PPL: variants seen among roughly 807,000 people sequenced by gnomAD.
The protein encoded by PPL is periplakin.
In PPL, 198 loss-of-function variants were observed where a neutral mutation model predicts 194.4. That is an observed-to-expected ratio of 1.02 (90% CI 0.91 to 1.15). The LOEUF (loss-of-function observed/expected upper bound fraction) is 1.15, where lower values mean the gene tolerates loss of function less well. Ranked by LOEUF, PPL falls within the 50% of genes most tolerant of loss-of-function variation. The probability of loss-of-function intolerance (pLI) is 0.00; values close to 1 mark genes in which losing one functional copy is unlikely to be tolerated. For synonymous variants in PPL, 1,220 were observed against 972.4 expected (o/e 1.25, Z -4.74); for missense variants, 2,885 against 2,294.8 (o/e 1.26, Z -5.25).
At chr16:4,910,058 C>T (rs1164880097) in intron 2 of PPL, among the ~76,000 whole-genome samples, 1 of 152,238 alleles carries the variant, frequency 6.6e-6, no homozygotes, top group East Asian at 1.9e-4. Flanking sequence ...ACCGGGCTGG[C>T]GCTGGTGGAA....
In PPL at chr16:4,901,010, T is replaced by C. The variant is rs752920491; in HGVS notation, c.518A>G (p.Asn173Ser). The change falls in exon 5 of 22, where the codon AAT (asparagine) becomes AGT (serine). Residue 173 changes from asparagine (N) to serine (S), a missense_variant. Coordinates refer to ENST00000345988, the MANE Select transcript of PPL (RefSeq NM_002705.5). ...HQVEEHNIFH[N>S]EVKAIGPHLA... Reference sequence around the variant, plus strand: ...GTGGGGCCCGATGGCCTTGACCTCATTGTGGAAGATGTTATGCTCCTCCAC... The same window carrying C: ...GTGGGGCCCGATGGCCTTGACCTCACTGTGGAAGATGTTATGCTCCTCCAC... 8 of 1,614,160 alleles carry C rather than the reference T, an allele frequency of 5.0e-6. No individual in the cohort carries two copies. The highest frequency in any genetic ancestry group is 1.7e-5 in the Admixed American group (1 of 60,024).
chr16:4,899,153 C>T (rs777532000), intron 7 of PPL, 33 bp from the exon 8 acceptor site: 1 of 1,613,638 alleles, frequency 6.2e-7, no homozygotes, highest in Non-Finnish European at 8.5e-7. Flanking sequence ...GGCCTCAGTG[C>T]CCAGCCTGGC....
rs1281643575 is a variant in PPL, at chr16:4,885,598, T to C, written c.3057A>G (p.Ala1019=). 6.2e-7 allele frequency: 1 copy of C among 1,612,022 alleles called. No individual in the cohort carries two copies. The highest frequency in any genetic ancestry group is 1.7e-5 in the Admixed American group (1 of 59,934). ...EVLQLREELE[A]LRRQKGAREA... ...CCCGGGCGCCCTTCTGCCGCCTCAG[T>C]GCCTCCAGCTCCTCCCGCAGCTGCA... The change falls in exon 22 of 22, where the codon GCA becomes GCG. Residue 1019 remains alanine (A), a synonymous_variant. Transcript: ENST00000345988. This position sits in a 1 kb window ranked among gnomAD's most constrained non-coding sequence, Gnocchi z 6.3.
chr16:4,907,512 A>C (rs2088716307), intron 2 of PPL, among the ~76,000 whole-genome samples: 1 of 152,172 alleles, frequency 6.6e-6, no homozygotes, highest in Non-Finnish European at 1.5e-5. Context: ...CAGAATAAAT[A>C]AATCCACAGA....
chr16:4,889,441 T>C (rs2088280990), intron 18 of PPL, among the ~76,000 whole-genome samples: 1 of 151,436 alleles, frequency 6.6e-6, no homozygotes, highest in South Asian at 2.1e-4. Flanking sequence ...GTATTTTTAG[T>C]AGAGATTTGG....
rs1049654889 is a variant in PPL, at chr16:4,920,345, G to GAGAAAGAA, written c.63-9404_63-9397dup. 6.0e-4 allele frequency among the ~76,000 whole-genome samples: 15 copies of GAGAAAGAA among 25,168 alleles called. 1 individual carries two copies. The highest frequency in any genetic ancestry group is 3.8e-3 in the South Asian group (2 of 520). 16.5% of individuals were successfully genotyped at this position (25,168 alleles called of 152,430 possible). On this transcript the variant is annotated intron_variant, in intron 1 of 21. Transcript: ENST00000345988. ...AAAGAAAGAAAGAAAGAGAGAGAGA[G>GAGAAAGAA]AGAAAGAAAGAAAGAAAGAAAGAAA... is the stretch of plus-strand genomic sequence containing the variant.
At position 4,883,544 on chromosome 16, in the gene PPL, T is replaced by A. The variant is rs760944645; in HGVS notation, c.5111A>T (p.Asn1704Ile). The change falls in exon 22 of 22, where the codon AAT becomes ATT. Residue 1704 changes from asparagine (N) to isoleucine (I), a missense_variant. Asn to Ile is a moderately radical substitution (Grantham distance 149). Coordinates refer to ENST00000345988, the MANE Select transcript of PPL (RefSeq NM_002705.5). The surrounding 1 kb of genome is among the most constrained non-coding windows in gnomAD (Gnocchi z 4.8). ...GTCGTGTATCACTGAGGACTCCCCATTGGGACCCTTCACTGAGATCTCCTC... is the reference window on the plus strand; with the variant it reads ...GTCGTGTATCACTGAGGACTCCCCAATGGGACCCTTCACTGAGATCTCCTC... Reference protein sequence around the residue: ...DWEEISVKGPNGESSVIHDRK... With the variant: ...DWEEISVKGPIGESSVIHDRK... The A allele has an allele frequency of 4.3e-6, 7 of 1,614,078 alleles. No homozygotes were observed. In the East Asian group the frequency reaches 1.6e-4, roughly 36 times the overall value.
In PPL at chr16:4,894,623, C is replaced by G. The variant is rs201265211; in HGVS notation, c.1243-5G>C. ...GTAGCCCCGCGAGATCAGGCCCTGG[C>G]GGGGGCAGGCTGGACAGTCAGGATC... On this transcript the variant is annotated splice_polypyrimidine_tract_variant and splice_region_variant and intron_variant, in intron 11 of 21. Coordinates refer to ENST00000345988, the MANE Select transcript of PPL (RefSeq NM_002705.5). 9.9e-6 allele frequency: 16 copies of G among 1,611,786 alleles called. No individual in the cohort carries two copies. Among genetic ancestry groups the G allele is most frequent in the Middle Eastern group, 1.7e-4 (1 of 5,802 alleles).
At chr16:4,935,677 G>A (rs967883470) in intron 1 of PPL, among the ~76,000 whole-genome samples, 2 of 152,234 alleles carry the variant, frequency 1.3e-5, no homozygotes. Flanking sequence ...GGGGGTTTCT[G>A]AAAGGGCTGG....
At position 4,890,835 on chromosome 16, in the gene PPL, T is replaced by G; in HGVS notation, c.2055A>C (p.Thr685=). 1 of 1,578,070 alleles carries G rather than the reference T, an allele frequency of 6.3e-7. No individual in the cohort carries two copies. The highest frequency in any genetic ancestry group is 8.6e-7 in the Non-Finnish European group (1 of 1,161,982). ...AGTGCTCCTGGAAGCGGCTGGCCAG[T>G]GTGCTCGAGCACTGCTTGGCCGCCT... The part of the protein sequence containing the change: ...NLQAAKQCSS[T]LASRFQEHCP... The change falls in exon 17 of 22, where the codon ACA becomes ACC. Residue 685 remains threonine (T), a synonymous_variant. Coordinates refer to ENST00000345988, the MANE Select transcript of PPL (RefSeq NM_002705.5).
chr16:4,924,529 C>G (rs2089119926), intron 1 of PPL, among the ~76,000 whole-genome samples: 1 of 152,162 alleles, frequency 6.6e-6, no homozygotes, highest in Non-Finnish European at 1.5e-5. Flanking sequence ...CCAGGGACAC[C>G]TAATAAATGC....
chr16:4,894,329 C>CA (rs2088377270), intron 12 of PPL, 138 bp downstream of exon 12: 1 of 1,099,108 alleles, frequency 9.1e-7, no homozygotes, highest in African/African-American at 1.6e-5. Flanking sequence ...CATGAACTTC[C>CA]AAGGGGGTGC....
At chr16:4,932,569 A>G (rs983797260) in intron 1 of PPL, among the ~76,000 whole-genome samples, 15 of 151,868 alleles carry the variant, frequency 9.9e-5, no homozygotes, top group African/African-American at 3.4e-4. Flanking sequence ...TTCCGCCACC[A>G]CACCCAGCTA....
rs756988418 is a variant in PPL at position 4,937,063 on chromosome 16, G to A, written c.-18C>T. ...GAGTTCATGGTGGCGCTCGGGGTGC[G>A]GGCGGCGGCGGCTGGCGGGCCGGGC... On this transcript the variant is annotated 5_prime_UTR_variant, in exon 1 of 22. Coordinates refer to ENST00000345988, the MANE Select transcript of PPL (RefSeq NM_002705.5). 23 of 1,385,878 alleles carry A rather than the reference G, an allele frequency of 1.7e-5. No individual in the cohort carries two copies. Among genetic ancestry groups the A allele is most frequent in the East Asian group, 2.9e-5 (1 of 34,580 alleles). The allele number at this position is 1,385,878 out of a possible 1,614,324, so 85.8% of individuals were successfully genotyped here. A position where few individuals can be genotyped will look rare whatever the true frequency, so the allele number is the denominator to read the frequency against.
Position 4,883,876 on chromosome 16 carries a change from T to C in PPL, c.4779A>G (p.Thr1593=), listed in dbSNP as rs749487153. ...CCACGGTCATGTTCCGCAGGTCTCGTGTTTCCGTCGCTGCCATGTTGATTT... is the reference window on the plus strand; with the variant it reads ...CCACGGTCATGTTCCGCAGGTCTCGCGTTTCCGTCGCTGCCATGTTGATTT... ...QSEINMAATE[T]RDLRNMTVAD... is the part of the protein sequence containing the mutation. Residue 1593 remains threonine, a synonymous_variant, in exon 22 of 22, where the codon ACA becomes ACG. Transcript: ENST00000345988. This position sits in a 1 kb window ranked among gnomAD's most constrained non-coding sequence, Gnocchi z 4.8. 5 of 1,614,012 alleles carry C rather than the reference T, an allele frequency of 3.1e-6. No homozygotes were observed. Among genetic ancestry groups the C allele is most frequent in the Non-Finnish European group, 4.2e-6 (5 of 1,180,036 alleles).
In PPL at chr16:4,895,369, C is replaced by T. The variant is rs749211941; in HGVS notation, c.1134G>A (p.Val378=). 2.5e-6 allele frequency: 4 copies of T among 1,613,328 alleles called. No homozygotes were observed. The Admixed American group carries it at 6.7e-5, about 27-fold the overall frequency. ...EKVLDKYEDV[V]QGLQKRGQQV... The stretch of plus-strand genomic sequence containing the variant: ...GCTGGCCTCGCTTCTGCAGCCCCTG[C>T]ACCACGTCCTCATACTTGTCCAGCA... The change falls in exon 11 of 22, where the codon GTG becomes GTA. Residue 378 remains valine, a synonymous_variant. Coordinates refer to ENST00000345988, the MANE Select transcript of PPL (RefSeq NM_002705.5).
chr16:4,893,130 T>C, intron 14 of PPL, 83 bp downstream of exon 14: 2 of 1,413,772 alleles, frequency 1.4e-6, no homozygotes, highest in Admixed American at 2.8e-5. Context: ...CAAGACTCCA[T>C]GGGGAAAAGA....
chr16:4,884,797 G>C lies in PPL; in HGVS notation c.3858C>G (p.Val1286=), dbSNP rs772852135. ...TCTCCTGGACCACCTCTTTGGTCTGGACCTGGGGTTTGGTGTCTTTCAGGG... is the reference window on the plus strand; with the variant it reads ...TCTCCTGGACCACCTCTTTGGTCTGCACCTGGGGTTTGGTGTCTTTCAGGG... ...IQALKDTKPQ[V]QTKEVVQEIL... is the part of the protein sequence containing the mutation. Residue 1286 remains valine (V), a synonymous_variant, in exon 22 of 22, where the codon GTC becomes GTG. Transcript: ENST00000345988. This position sits in a 1 kb window ranked among gnomAD's most constrained non-coding sequence, Gnocchi z 5.7. The C allele has an allele frequency of 6.2e-7, 1 of 1,614,116 alleles. No individual in the cohort carries two copies. Among genetic ancestry groups the C allele is most frequent in the Admixed American group, 1.7e-5 (1 of 60,018 alleles).
In PPL at chr16:4,890,825, G is replaced by T. The variant is rs751451279; in HGVS notation, c.2065C>A (p.Arg689Ser). ...AGGTCCGGACAGTGCTCCTGGAAGC[G>T]GCTGGCCAGTGTGCTCGAGCACTGC... ...AKQCSSTLAS[R>S]FQEHCPDLER... is the part of the protein sequence containing the mutation. The change falls in exon 17 of 22, where the codon CGC (arginine) becomes AGC (serine). Residue 689 changes from arginine to serine, a missense_variant. By Grantham distance (110) the Arg-to-Ser change is moderately radical (BLOSUM62 -1). Transcript: ENST00000345988. 1 of 1,587,018 alleles carries T rather than the reference G, an allele frequency of 6.3e-7. No individual in the cohort carries two copies. The highest frequency in any genetic ancestry group is 8.6e-7 in the Non-Finnish European group (1 of 1,166,986).
Sources: gnomAD v4.1 joint callset for allele counts (sites outside exome capture counted in the v4.1 genomes callset) on GRCh38, gnomAD v4.1.1 for gene constraint, Gnocchi (gnomAD v3.1) non-coding constraint, MANE v1.5 for transcripts, NCBI Gene and HGNC (gene_info 2026-07-23, HGNC 2026-07-21) for gene names.